Variants in SLIT2 observed in about 807,000 individuals in gnomAD.
The protein encoded by SLIT2 is slit guidance ligand 2, also known as slit homolog 2 protein.
In SLIT2, 41 loss-of-function variants were observed where a neutral mutation model predicts 185.7. The ratio of observed to expected loss-of-function variants is 0.22; its 90% CI spans 0.17 to 0.29. The LOEUF (loss-of-function observed/expected upper bound fraction) is 0.29. SLIT2 is among the 10% of genes least tolerant of loss of function. SLIT2 has a pLI of 1.00. For synonymous variants in SLIT2, 693 were observed against 680.2 expected, an observed-to-expected ratio of 1.02 and a Z score of -0.29; for missense variants, 1,571 against 1,909.0, an observed-to-expected ratio of 0.82 and a Z score of 3.30.
At chr4:20,480,652 T>C in intron 5 of SLIT2, 64 bp from the exon 6 acceptor site, 1 of 1,279,830 alleles carries the variant, frequency 7.8e-7, no homozygotes, top group Non-Finnish European at 1.1e-6. Flanking sequence ...TCAGGAAACT[T>C]CTCATCACCT....
rs57477413 is a variant in SLIT2, at chr4:20,296,164, TTCTA to T, written c.395+27287_395+27290del. Among the ~76,000 whole-genome samples the T allele has an allele frequency of 5.0e-3, 763 of 152,368 alleles. 7 individuals carry two copies. Among genetic ancestry groups the T allele is most frequent in the African/African-American group, 0.018 (739 of 41,596 alleles). On this transcript the variant is annotated intron_variant, in intron 4 of 36. Coordinates refer to ENST00000504154, the MANE Select transcript of SLIT2 (RefSeq NM_004787.4). ...GAATAAACTGATTAAACAGTTCCTA[TTCTA>T]TCTGTGTAAACAGAGACATATTAGT...
chr4:20,296,676 A>T (rs1399878623), intron 4 of SLIT2, among the ~76,000 whole-genome samples: 1 of 152,178 alleles, frequency 6.6e-6, no homozygotes, highest in Admixed American at 6.5e-5. Flanking sequence ...TAGTTGACTA[A>T]ATGTGGCACT....
intron 4 of SLIT2, among the ~76,000 whole-genome samples, chr4:20,415,376 GC>G (rs1727573896): frequency 8.0e-6 from 1 of 124,366 alleles, no homozygotes; most frequent in Admixed American, 1.1e-4. Flanking sequence ...GCACCACTGC[GC>G]TCCAGCCTGG....
chr4:20,536,714 A>G (rs1366469979), intron 18 of SLIT2, among the ~76,000 whole-genome samples: 1 of 151,360 alleles, frequency 6.6e-6, no homozygotes, highest in Non-Finnish European at 1.5e-5. Context: ...AACTTTTTTT[A>G]CTCTTTTGTA....
intron 4 of SLIT2, among the ~76,000 whole-genome samples, chr4:20,317,981 A>T (rs1398078584): frequency 1.3e-5 from 2 of 152,134 alleles, no homozygotes; most frequent in African/African-American, 4.8e-5. Context: ...ATATGTTTTA[A>T]TTTAATGATG....
At chr4:20,486,176 T>G (rs1242968246) in intron 6 of SLIT2, 24 bp from the exon 7 acceptor site, 4 of 1,471,976 alleles carry the variant, frequency 2.7e-6, no homozygotes, top group Non-Finnish European at 3.8e-6. Context: ...CTAAAAATTC[T>G]AACTTTTCTT....
At chr4:20,590,298 G>A (rs1727420277) in intron 30 of SLIT2, among the ~76,000 whole-genome samples, 2 of 152,156 alleles carry the variant, frequency 1.3e-5, no homozygotes, top group African/African-American at 4.8e-5. Context: ...GCAATGAGCA[G>A]CCTTTGAAAA....
intron 4 of SLIT2, among the ~76,000 whole-genome samples, chr4:20,396,379 C>T (rs1035371963): frequency 6.6e-6 from 1 of 151,772 alleles, no homozygotes; most frequent in Admixed American, 6.6e-5. Context: ...TTTTTCTCCA[C>T]TACCACAAGA....
intron 33 of SLIT2, among the ~76,000 whole-genome samples, chr4:20,607,049 A>T (rs1728846023): frequency 6.6e-6 from 1 of 152,208 alleles, no homozygotes; most frequent in South Asian, 2.1e-4. Flanking sequence ...GTCACCTTGG[A>T]TGTCCTCAGT....
At chr4:20,522,842 G>A (rs1431006440) in intron 12 of SLIT2, among the ~76,000 whole-genome samples, 2 of 152,156 alleles carry the variant, frequency 1.3e-5, no homozygotes, top group African/African-American at 4.8e-5. Flanking sequence ...TATGTGCTGG[G>A]CAGTCTGGGA....
chr4:20,283,912 C>T (rs935499175), intron 4 of SLIT2, among the ~76,000 whole-genome samples: 1 of 152,160 alleles, frequency 6.6e-6, no homozygotes, highest in Admixed American at 6.5e-5. Context: ...TTCCCCTTCC[C>T]TGATCTATTC....
chr4:20,339,990 C>A (rs1720830355), intron 4 of SLIT2, among the ~76,000 whole-genome samples: 1 of 152,154 alleles, frequency 6.6e-6, no homozygotes, highest in Non-Finnish European at 1.5e-5. Flanking sequence ...CATTACTAAT[C>A]CCCTCCATCT....
chr4:20,474,586 A>G (rs1458305588), intron 5 of SLIT2, among the ~76,000 whole-genome samples: 1 of 152,142 alleles, frequency 6.6e-6, no homozygotes, highest in Non-Finnish European at 1.5e-5. Flanking sequence ...TGGGAATCCA[A>G]TTCACATACT....
At chr4:20,283,801 G>A (rs1266839529) in intron 4 of SLIT2, among the ~76,000 whole-genome samples, 1 of 151,956 alleles carries the variant, frequency 6.6e-6, no homozygotes, top group African/African-American at 2.4e-5. Flanking sequence ...CCCAATATTT[G>A]CACACACATT....
At chr4:20,610,247 T>TA in intron 34 of SLIT2, 80 bp downstream of exon 34, 1 of 1,245,472 alleles carries the variant, frequency 8.0e-7, no homozygotes, top group Non-Finnish European at 1.1e-6. Context: ...TGTTAATGCC[T>TA]AATATATCAG....
At chr4:20,487,822 G>A (rs1235342666) in intron 7 of SLIT2, among the ~76,000 whole-genome samples, 1 of 152,158 alleles carries the variant, frequency 6.6e-6, no homozygotes, top group Non-Finnish European at 1.5e-5. Flanking sequence ...TTATTCTATA[G>A]TATCATTGCT....
In SLIT2 at chr4:20,484,157, G is replaced by A. The variant is rs911022036; in HGVS notation, c.540-2043G>A. The stretch of plus-strand genomic sequence containing the variant: ...TATAGTTCAAAATTAATGCATGTCT[G>A]CTCTCTGTGTAGTACTTAAAACAAT... On this transcript the variant is annotated intron_variant, in intron 6 of 36. Coordinates refer to ENST00000504154, the MANE Select transcript of SLIT2 (RefSeq NM_004787.4). The surrounding 1 kb of genome is among the most constrained non-coding windows in gnomAD (Gnocchi z 4.3). 5.9e-5 allele frequency among the ~76,000 whole-genome samples: 9 copies of A among 152,000 alleles called. No individual in the cohort carries two copies. Among genetic ancestry groups the A allele is most frequent in the African/African-American group, 1.7e-4 (7 of 41,404 alleles).
chr4:20,374,229 T>C (rs1336644377), intron 4 of SLIT2, among the ~76,000 whole-genome samples: 1 of 151,772 alleles, frequency 6.6e-6, no homozygotes, highest in Admixed American at 6.6e-5. Flanking sequence ...ATGAAGAGAG[T>C]CCTTGTATGT....
chr4:20,599,095 G>A (rs1012638101), intron 33 of SLIT2, among the ~76,000 whole-genome samples: 2 of 152,144 alleles, frequency 1.3e-5, no homozygotes, highest in African/African-American at 4.8e-5. Flanking sequence ...AAGGAACAAA[G>A]CCCCTGCTCA....
Sources: gnomAD v4.1 joint callset for allele counts (sites outside exome capture counted in the v4.1 genomes callset) on GRCh38, gnomAD v4.1.1 for gene constraint, Gnocchi (gnomAD v3.1) non-coding constraint, MANE v1.5 for transcripts, NCBI Gene and HGNC (gene_info 2026-07-23, HGNC 2026-07-21) for gene names.